Variants in GRIK3 observed in about 807,000 individuals in gnomAD.
GRIK3 encodes the protein glutamate ionotropic receptor kainate type subunit 3, also known as glutamate receptor ionotropic, kainate 3.
GRIK3 carries 29 observed loss-of-function variants against 102.5 expected under a neutral mutation model. That is an observed-to-expected ratio of 0.28 (90% CI 0.21 to 0.39). GRIK3 has a LOEUF of 0.39. Ranked by LOEUF, GRIK3 falls within the 10% of genes least tolerant of loss-of-function variation. GRIK3 has a pLI of 1.00. For missense variants in GRIK3, 908 were observed against 1,252.4 expected, an observed-to-expected ratio of 0.73 and a Z score of 4.15; for synonymous variants, 511 against 504.9, an observed-to-expected ratio of 1.01 and a Z score of -0.16.
intron 1 of GRIK3, among the ~76,000 whole-genome samples, chr1:36,952,541 T>C (rs373322821): frequency 2.0e-5 from 3 of 152,238 alleles, no homozygotes; most frequent in African/African-American, 7.2e-5. Flanking sequence ...AGTGGATCCC[T>C]GACAGGGTTG....
At chr1:36,881,339 C>T (rs901116490) in intron 2 of GRIK3, among the ~76,000 whole-genome samples, 27 of 152,150 alleles carry the variant, frequency 1.8e-4, no homozygotes, top group Non-Finnish European at 3.8e-4. Context: ...GTGCATCTCA[C>T]CTCTTACTCA....
At chr1:36,935,363 C>T (rs900789001) in intron 1 of GRIK3, among the ~76,000 whole-genome samples, 3 of 152,218 alleles carry the variant, frequency 2.0e-5, no homozygotes, top group African/African-American at 7.2e-5. Flanking sequence ...TCACCATAGA[C>T]TGTGAACACA....
intron 1 of GRIK3, among the ~76,000 whole-genome samples, chr1:36,970,215 T>C (rs2124356656): frequency 6.6e-6 from 1 of 152,318 alleles, no homozygotes; most frequent in South Asian, 2.1e-4. Flanking sequence ...AAGACCACTC[T>C]CTGCTACGAG....
intron 1 of GRIK3, among the ~76,000 whole-genome samples, chr1:36,966,315 G>A (rs1278043419): frequency 2.0e-5 from 3 of 152,220 alleles, no homozygotes; most frequent in Non-Finnish European, 4.4e-5. Flanking sequence ...AGTGTCAGAC[G>A]GAAAGGTCAT....
chr1:36,825,852 C>G (rs1032706091), intron 10 of GRIK3, 26 bp from the exon 11 acceptor site: 2 of 1,524,800 alleles, frequency 1.3e-6, no homozygotes, highest in Admixed American at 3.6e-5. Context: ...GAGAGAAAGA[C>G]AGACTATGAG....
chr1:36,899,896 A>C (rs1641216519), intron 1 of GRIK3, among the ~76,000 whole-genome samples: 1 of 152,198 alleles, frequency 6.6e-6, no homozygotes, highest in Non-Finnish European at 1.5e-5. Flanking sequence ...TGTGCTCAAA[A>C]GAGAGCATCA....
intron 2 of GRIK3, among the ~76,000 whole-genome samples, chr1:36,888,128 A>T (rs1641063105): frequency 6.6e-6 from 1 of 152,186 alleles, no homozygotes. Flanking sequence ...AATAGCCCCA[A>T]GCAGAAACCA....
chr1:36,832,730 G>A (rs1182621767), intron 10 of GRIK3, among the ~76,000 whole-genome samples: 2 of 152,188 alleles, frequency 1.3e-5, no homozygotes, highest in Non-Finnish European at 2.9e-5. Context: ...GGGAAGGATG[G>A]GCAGGTCTTC....
intron 1 of GRIK3, among the ~76,000 whole-genome samples, chr1:36,958,564 C>T (rs1456036184): frequency 6.8e-6 from 1 of 147,164 alleles, no homozygotes; most frequent in East Asian, 2.1e-4. Flanking sequence ...TGAGTCTGTG[C>T]CCTGTGACTC....
intron 1 of GRIK3, among the ~76,000 whole-genome samples, chr1:36,893,720 C>A (rs1641143408): frequency 6.6e-6 from 1 of 152,158 alleles, no homozygotes; most frequent in Admixed American, 6.5e-5. Flanking sequence ...CAACAGTAGG[C>A]ATATGGATCA....
At chr1:37,023,835 G>T (rs1041186103) in intron 1 of GRIK3, among the ~76,000 whole-genome samples, 3 of 152,186 alleles carry the variant, frequency 2.0e-5, no homozygotes, top group African/African-American at 7.2e-5. Flanking sequence ...TTAGAAGAGG[G>T]TGTAATCCAT....
intron 1 of GRIK3, among the ~76,000 whole-genome samples, chr1:36,942,354 G>A (rs1349553712): frequency 1.3e-5 from 2 of 152,238 alleles, no homozygotes; most frequent in Non-Finnish European, 2.9e-5. Flanking sequence ...CAGCTTGTCA[G>A]TTCTGCGGAA....
intron 7 of GRIK3, among the ~76,000 whole-genome samples, chr1:36,858,552 A>G (rs1640680419): frequency 6.6e-6 from 1 of 152,158 alleles, no homozygotes; most frequent in Non-Finnish European, 1.5e-5. Flanking sequence ...GGGGTTTTCC[A>G]CAGGAGAGCT....
At position 36,819,123 on chromosome 1, in the gene GRIK3, G is replaced by C. The variant is rs554951300; in HGVS notation, c.1873+613C>G. 2.6e-5 allele frequency among the ~76,000 whole-genome samples: 4 copies of C among 152,310 alleles called. No homozygotes were observed. Among genetic ancestry groups the C allele is most frequent in the South Asian group, 4.1e-4 (2 of 4,822 alleles). On this transcript the variant is annotated intron_variant, in intron 12 of 15. Coordinates refer to ENST00000373091, the MANE Select transcript of GRIK3 (RefSeq NM_000831.4). This position sits in a 1 kb window ranked among gnomAD's most constrained non-coding sequence, Gnocchi z 4.1. Reference sequence around the variant, plus strand: ...TCCCTCCAGAGGATGTAAGAGAATTGCATCTTTTTGTGTACCTCATCTTTG... The same window carrying C: ...TCCCTCCAGAGGATGTAAGAGAATTCCATCTTTTTGTGTACCTCATCTTTG...
chr1:36,806,144 G>A lies in GRIK3; in HGVS notation c.2274C>T (p.Gly758=). The A allele has an allele frequency of 6.2e-7, 1 of 1,614,044 alleles. No homozygotes were observed. The highest frequency in any genetic ancestry group is 8.5e-7 in the Non-Finnish European group (1 of 1,179,978). Residue 758 remains glycine, a synonymous_variant, in exon 14 of 16, where the codon GGC becomes GGT. Transcript: ENST00000373091. This position sits in a 1 kb window ranked among gnomAD's most constrained non-coding sequence, Gnocchi z 4.0. ...QRNCNLTQIG[G]LIDSKGYGIG... Reference sequence around the variant, plus strand: ...TGCCGTAGCCCTTGGAGTCAATGAGGCCCCCGATCTGGGTGAGGTTGCAGT... The same window carrying A: ...TGCCGTAGCCCTTGGAGTCAATGAGACCCCCGATCTGGGTGAGGTTGCAGT...
intron 7 of GRIK3, among the ~76,000 whole-genome samples, chr1:36,858,592 G>T (rs978155388): frequency 2.0e-5 from 3 of 152,206 alleles, no homozygotes; most frequent in African/African-American, 7.2e-5. Context: ...CCCAGTGGGG[G>T]TGCTGGCTGG....
At chr1:36,884,495 G>A (rs1205832955) in intron 2 of GRIK3, among the ~76,000 whole-genome samples, 2 of 152,126 alleles carry the variant, frequency 1.3e-5, no homozygotes, top group African/African-American at 2.4e-5. Flanking sequence ...TCCTGAGGAA[G>A]GAGGCCATGT....
At chr1:36,812,230 A>G (rs1344168550) in intron 13 of GRIK3, among the ~76,000 whole-genome samples, 1 of 152,036 alleles carries the variant, frequency 6.6e-6, no homozygotes, top group East Asian at 1.9e-4. Flanking sequence ...CCCAGGTCAG[A>G]TGCTAGGAAC....
intron 2 of GRIK3, among the ~76,000 whole-genome samples, chr1:36,883,596 T>C (rs1641007354): frequency 6.6e-6 from 1 of 152,080 alleles, no homozygotes; most frequent in Non-Finnish European, 1.5e-5. Flanking sequence ...AAATTCAGGG[T>C]TCTAGATCCT....
Sources: allele counts gnomAD v4.1 joint callset (sites outside exome capture counted in the v4.1 genomes callset), GRCh38; gene constraint gnomAD v4.1.1; non-coding constraint Gnocchi (gnomAD v3.1); transcripts MANE v1.5; gene names NCBI Gene and HGNC (gene_info 2026-07-23, HGNC 2026-07-21).